Variants in CNTNAP2 observed in about 807,000 individuals in gnomAD.
The protein encoded by CNTNAP2 is contactin associated protein 2.
CNTNAP2 carries 98 observed loss-of-function variants against 155.2 expected under a neutral mutation model. The ratio of observed to expected loss-of-function variants is 0.63; its 90% CI spans 0.54 to 0.75. The LOEUF is 0.75. Among genes scored for constraint, CNTNAP2 ranks in the 30% least tolerant of loss-of-function variants. The pLI is 0.00. For synonymous variants in CNTNAP2, 651 were observed against 631.2 expected, an observed-to-expected ratio of 1.03 and a Z score of -0.47; for missense variants, 1,727 against 1,688.1, an observed-to-expected ratio of 1.02 and a Z score of -0.40.
chr7:147,037,106 A>C (rs1263599886), intron 3 of CNTNAP2, among the ~76,000 whole-genome samples: 2 of 152,200 alleles, frequency 1.3e-5, no homozygotes, highest in African/African-American at 4.8e-5. Flanking sequence ...ATTTAGGTAA[A>C]TGTGTGAGAA....
intron 1 of CNTNAP2, among the ~76,000 whole-genome samples, chr7:146,288,355 G>A (rs1800372365): frequency 6.6e-6 from 1 of 150,792 alleles, no homozygotes; most frequent in South Asian, 2.1e-4. Flanking sequence ...GAGTGTACAA[G>A]AAGGCTTGGA....
chr7:148,171,850 T>C (rs1805800320), intron 17 of CNTNAP2, among the ~76,000 whole-genome samples: 2 of 152,234 alleles, frequency 1.3e-5, no homozygotes, highest in Non-Finnish European at 2.9e-5. Flanking sequence ...AATACATTCA[T>C]GTCTCTGCCT....
At chr7:148,202,781 G>A (rs1007097143) in intron 18 of CNTNAP2, among the ~76,000 whole-genome samples, 1 of 152,212 alleles carries the variant, frequency 6.6e-6, no homozygotes, top group Non-Finnish European at 1.5e-5. Context: ...CACACATCGT[G>A]TGTGCATGAA....
intron 13 of CNTNAP2, among the ~76,000 whole-genome samples, chr7:147,753,985 T>C (rs12539452): frequency 0.88 from 134,518 of 152,176 alleles, 61,593 homozygotes; most frequent in Non-Finnish European, 0.99. Flanking sequence ...GTGTCCGTTG[T>C]CTGAAAGCAT....
intron 3 of CNTNAP2, among the ~76,000 whole-genome samples, chr7:146,929,415 C>T (rs1796694262): frequency 6.6e-6 from 1 of 152,126 alleles, no homozygotes; most frequent in Admixed American, 6.6e-5. Context: ...ACATAAAGGA[C>T]ATCCACACCA....
At chr7:148,241,731 T>A (rs1454489357) in intron 20 of CNTNAP2, among the ~76,000 whole-genome samples, 3 of 152,232 alleles carry the variant, frequency 2.0e-5, no homozygotes, top group Non-Finnish European at 4.4e-5. Flanking sequence ...AGAAAATAAG[T>A]TCTAAGCCAT....
intron 10 of CNTNAP2, among the ~76,000 whole-genome samples, chr7:147,421,418 T>C (rs1385714507): frequency 1.3e-5 from 2 of 152,134 alleles, no homozygotes; most frequent in East Asian, 3.9e-4. Flanking sequence ...AACAGCACTT[T>C]TATTCATTCA....
intron 12 of CNTNAP2, among the ~76,000 whole-genome samples, chr7:147,632,298 G>T (rs141740996): frequency 6.6e-5 from 10 of 152,124 alleles, no homozygotes; most frequent in African/African-American, 2.2e-4. Context: ...ATGGTGGTTC[G>T]GTTGTGTCCC....
intron 21 of CNTNAP2, among the ~76,000 whole-genome samples, chr7:148,302,741 A>C (rs1358890972): frequency 1.4e-5 from 2 of 147,788 alleles, no homozygotes; most frequent in African/African-American, 2.5e-5. Flanking sequence ...GTTTCATGAG[A>C]CCTCCCCAGC....
At chr7:147,592,393 A>G (rs1456386438) in intron 12 of CNTNAP2, among the ~76,000 whole-genome samples, 3 of 152,052 alleles carry the variant, frequency 2.0e-5, no homozygotes, top group Non-Finnish European at 4.4e-5. Context: ...CAATATGCAT[A>G]TAAAAATTAA....
Position 146,796,371 on chromosome 7 carries a change from T to G in CNTNAP2, c.208+21990T>G, listed in dbSNP as rs1048072585. 7.2e-5 allele frequency among the ~76,000 whole-genome samples: 11 copies of G among 152,144 alleles called. 1 individual carries two copies. The highest frequency in any genetic ancestry group is 2.6e-4 in the African/African-American group (11 of 41,530). ...CCCTGAGGAGTTCTGGGCTGGAGTT[T>G]TTAAGGGGATTGTGGAGGGTGAGCG... is the stretch of plus-strand genomic sequence containing the variant. On this transcript the variant is annotated intron_variant, in intron 2 of 23. Transcript: ENST00000361727.
intron 3 of CNTNAP2, among the ~76,000 whole-genome samples, chr7:147,021,496 A>G (rs575523939): frequency 1.8e-4 from 28 of 152,194 alleles, no homozygotes; most frequent in Non-Finnish European, 3.4e-4. Context: ...AGATAAGACT[A>G]TTATTCCCCT....
intron 13 of CNTNAP2, among the ~76,000 whole-genome samples, chr7:147,889,236 A>G (rs1799646498): frequency 6.6e-6 from 1 of 152,104 alleles, no homozygotes; most frequent in African/African-American, 2.4e-5. Flanking sequence ...AAACATTAGT[A>G]ACAATAAAAA....
intron 21 of CNTNAP2, among the ~76,000 whole-genome samples, chr7:148,284,851 C>CAAAACAGA: frequency 6.6e-6 from 1 of 152,094 alleles, no homozygotes; most frequent in East Asian, 1.9e-4. Context: ...CTCTGAAGAA[C>CAAAACAGA]AAAACAGAAA....
At chr7:147,329,419 T>G (rs964915844) in intron 9 of CNTNAP2, among the ~76,000 whole-genome samples, 1 of 152,076 alleles carries the variant, frequency 6.6e-6, no homozygotes, top group Non-Finnish European at 1.5e-5. Context: ...TTTATAAGAA[T>G]GATAAAAGAT....
At chr7:147,851,049 C>T (rs1798929554) in intron 13 of CNTNAP2, among the ~76,000 whole-genome samples, 2 of 152,202 alleles carry the variant, frequency 1.3e-5, no homozygotes, top group Admixed American at 6.5e-5. Flanking sequence ...TATCCAGAAT[C>T]TATAAAGAAC....
intron 3 of CNTNAP2, among the ~76,000 whole-genome samples, chr7:146,937,785 A>G (rs1410395004): frequency 6.6e-6 from 1 of 152,212 alleles, no homozygotes; most frequent in Non-Finnish European, 1.5e-5. Context: ...TAGTTTAATA[A>G]GAGTTTATTC....
At chr7:146,944,646 A>C (rs1298847896) in intron 3 of CNTNAP2, among the ~76,000 whole-genome samples, 1 of 152,154 alleles carries the variant, frequency 6.6e-6, no homozygotes, top group Admixed American at 6.5e-5. Context: ...TGGGAGGCCA[A>C]GGTGGGCGGA....
chr7:146,698,116 T>C (rs181406876), intron 1 of CNTNAP2, among the ~76,000 whole-genome samples: 2 of 152,254 alleles, frequency 1.3e-5, no homozygotes, highest in African/African-American at 4.8e-5. Context: ...ACATGTAACA[T>C]TGCTCATTCA....
Sources: gnomAD v4.1 joint callset for allele counts (sites outside exome capture counted in the v4.1 genomes callset) on GRCh38, gnomAD v4.1.1 for gene constraint, MANE v1.5 for transcripts, NCBI Gene and HGNC (gene_info 2026-07-23, HGNC 2026-07-21) for gene names.